Variants in LMTK2 observed in about 807,000 individuals in gnomAD.
The protein encoded by LMTK2 is lemur tail kinase 2, also known as serine/threonine-protein kinase LMTK2.
In LMTK2, 37 loss-of-function variants were observed where a neutral mutation model predicts 127.5. The observed-to-expected ratio is 0.29, with a 90% CI of 0.22 to 0.38. The LOEUF (loss-of-function observed/expected upper bound fraction) is 0.38, where lower values mean the gene tolerates loss of function less well. Among genes scored for constraint, LMTK2 ranks in the 10% least tolerant of loss-of-function variants. LMTK2 has a pLI of 1.00. For missense variants in LMTK2, 1,694 were observed against 1,920.3 expected, an observed-to-expected ratio of 0.88 and a Z score of 2.20; for synonymous variants, 819 against 810.1, an observed-to-expected ratio of 1.01 and a Z score of -0.19.
At chr7:98,142,619 C>G (rs1032365633) in intron 3 of LMTK2, among the ~76,000 whole-genome samples, 9 of 152,158 alleles carry the variant, frequency 5.9e-5, no homozygotes, top group African/African-American at 1.9e-4. Context: ...AGAGACTTCT[C>G]AGAGCTTTTA....
At position 98,171,395 on chromosome 7, in the gene LMTK2, A is replaced by G. The variant is rs1584277915; in HGVS notation, c.658-146A>G. ...GCATAATAGTGTTCTATACTTTCGCAGTATTGGGTTGGAACTTCTTTAAGT... is the reference window on the plus strand; with the variant it reads ...GCATAATAGTGTTCTATACTTTCGCGGTATTGGGTTGGAACTTCTTTAAGT... On this transcript the variant is annotated intron_variant, in intron 6 of 13. Coordinates refer to ENST00000297293, the MANE Select transcript of LMTK2 (RefSeq NM_014916.4). The surrounding 1 kb of genome is among the most constrained non-coding windows in gnomAD (Gnocchi z 5.1). 16 of 911,136 alleles carry G rather than the reference A, an allele frequency of 1.8e-5. No individual in the cohort carries two copies. In the South Asian group the frequency reaches 2.2e-4, roughly 12 times the overall value. 56.4% of individuals were successfully genotyped at this position (911,136 alleles called of 1,614,324 possible). A position where few individuals can be genotyped will look rare whatever the true frequency, so the allele number is the denominator to read the frequency against.
chr7:98,154,934 G>A (rs758059145), intron 5 of LMTK2, 58 bp downstream of exon 5: 10 of 1,018,790 alleles, frequency 9.8e-6, no homozygotes, highest in Non-Finnish European at 1.4e-5. Flanking sequence ...TGAAGGTCAG[G>A]TGTTTAAAAC....
intron 7 of LMTK2, among the ~76,000 whole-genome samples, chr7:98,179,707 T>C (rs1797326663): frequency 6.6e-6 from 1 of 151,518 alleles, no homozygotes; most frequent in Non-Finnish European, 1.5e-5. Context: ...GAAGATTCTT[T>C]GTTGTTCATA....
intron 5 of LMTK2, among the ~76,000 whole-genome samples, chr7:98,158,475 T>A (rs1796962730): frequency 1.3e-5 from 2 of 152,170 alleles, no homozygotes; most frequent in Non-Finnish European, 2.9e-5. Context: ...TGGTCTCCCT[T>A]TTTTGTCCTG....
chr7:98,200,602 G>A (rs892972148), intron 11 of LMTK2, among the ~76,000 whole-genome samples: 7 of 152,178 alleles, frequency 4.6e-5, no homozygotes, highest in Non-Finnish European at 1.0e-4. Flanking sequence ...TGTTCAGATC[G>A]TTTCTGGAGT....
At chr7:98,135,028 G>A (rs1336116936) in intron 1 of LMTK2, among the ~76,000 whole-genome samples, 1 of 152,308 alleles carries the variant, frequency 6.6e-6, no homozygotes, top group Admixed American at 6.5e-5. Flanking sequence ...GACTGAGCCC[G>A]CATGTAACAA....
At chr7:98,199,640 G>A (rs1020654193) in intron 11 of LMTK2, among the ~76,000 whole-genome samples, 1 of 152,132 alleles carries the variant, frequency 6.6e-6, no homozygotes, top group Non-Finnish European at 1.5e-5. Context: ...GACTACGGGT[G>A]CACACCACCA....
rs951290131 is a variant in LMTK2 at position 98,122,679 on chromosome 7, T to G, written c.104-14636T>G. On this transcript the variant is annotated intron_variant, in intron 1 of 13. Coordinates refer to ENST00000297293, the MANE Select transcript of LMTK2 (RefSeq NM_014916.4). ...CAGTTCAGTGAATAACTCTACATGG[T>G]GTGTGTGTGTGTGTGTGTGTGTGTG... Among the ~76,000 whole-genome samples the G allele has an allele frequency of 2.0e-3, 12 of 6,132 alleles. No individual in the cohort carries two copies. In the South Asian group the frequency reaches 0.038, roughly 20 times the overall value. 4.0% of individuals were successfully genotyped at this position (6,132 alleles called of 152,430 possible).
intron 7 of LMTK2, among the ~76,000 whole-genome samples, chr7:98,172,679 C>T (rs1797211885): frequency 6.6e-6 from 1 of 152,184 alleles, no homozygotes; most frequent in Non-Finnish European, 1.5e-5. Context: ...TCATTTAACT[C>T]TTAGTAATCC....
intron 7 of LMTK2, among the ~76,000 whole-genome samples, chr7:98,175,592 C>T (rs907250222): frequency 2.6e-5 from 4 of 152,190 alleles, no homozygotes; most frequent in Admixed American, 6.5e-5. Context: ...ACTACCTAAA[C>T]GAAAACCAAA....
At chr7:98,138,458 G>A (rs1796627811) in intron 2 of LMTK2, among the ~76,000 whole-genome samples, 1 of 152,152 alleles carries the variant, frequency 6.6e-6, no homozygotes, top group Admixed American at 6.5e-5. Context: ...TACACACAGA[G>A]GGCTGAGAAC....
At position 98,192,765 on chromosome 7, in the gene LMTK2, T is replaced by C. The variant is rs757991843; in HGVS notation, c.2300T>C (p.Leu767Ser). Reference sequence around the variant, plus strand: ...TTAGAAACGTCATGTAGAAACTCTTTAGATACTGAGCTTCAGTTTGCTGAA... The same window carrying C: ...TTAGAAACGTCATGTAGAAACTCTTCAGATACTGAGCTTCAGTTTGCTGAA... ...AMLETSCRNS[L>S]DTELQFAENK... The change falls in exon 11 of 14, where the codon TTA becomes TCA. Residue 767 changes from leucine to serine, a missense_variant. Physicochemically the swap from Leu to Ser is moderately radical, Grantham distance 145. Coordinates refer to ENST00000297293, the MANE Select transcript of LMTK2 (RefSeq NM_014916.4). 2.5e-6 allele frequency: 4 copies of C among 1,613,882 alleles called. No homozygotes were observed. Among genetic ancestry groups the C allele is most frequent in the Non-Finnish European group, 2.5e-6 (3 of 1,179,882 alleles).
At chr7:98,158,047 T>G (rs1027649917) in intron 5 of LMTK2, among the ~76,000 whole-genome samples, 5 of 152,254 alleles carry the variant, frequency 3.3e-5, no homozygotes, top group African/African-American at 1.2e-4. Context: ...CTCTCTCTGC[T>G]GTCTTTGCAA....
Position 98,194,299 on chromosome 7 carries a change from A to T in LMTK2, c.3834A>T (p.Ser1278=), listed in dbSNP as rs201061100. 6.2e-6 allele frequency: 10 copies of T among 1,614,176 alleles called. No homozygotes were observed. The African/African-American group carries it at 1.2e-4, about 19-fold the overall frequency. ...GGGTGTCAGGGATGCTCGACCTCTC[A>T]GAGGACGGGATGGATGCAGACGAGG... is the stretch of plus-strand genomic sequence containing the variant. ...KLGVSGMLDL[S]EDGMDADEED... is the part of the protein sequence containing the mutation. Residue 1278 remains serine (S), a synonymous_variant, in exon 11 of 14, where the codon TCA becomes TCT. Transcript: ENST00000297293. The surrounding 1 kb of genome is among the most constrained non-coding windows in gnomAD (Gnocchi z 5.4).
At chr7:98,140,564 A>AT (rs548563798) in intron 2 of LMTK2, among the ~76,000 whole-genome samples, 21 of 151,802 alleles carry the variant, frequency 1.4e-4, no homozygotes, top group South Asian at 6.3e-4. Context: ...GATCCTGGTG[A>AT]TTTTTTTTAG....
intron 1 of LMTK2, among the ~76,000 whole-genome samples, chr7:98,127,802 C>T (rs1218691078): frequency 6.6e-6 from 1 of 152,122 alleles, no homozygotes; most frequent in Admixed American, 6.5e-5. Context: ...TGTATCAGAG[C>T]GTCACACATA....
At chr7:98,112,070 A>G (rs1338400624) in intron 1 of LMTK2, among the ~76,000 whole-genome samples, 1 of 152,364 alleles carries the variant, frequency 6.6e-6, no homozygotes, top group South Asian at 2.1e-4. Flanking sequence ...TCTTGATCTT[A>G]AACACAATTG....
chr7:98,116,429 T>A (rs1248358018), intron 1 of LMTK2, among the ~76,000 whole-genome samples: 1 of 149,952 alleles, frequency 6.7e-6, no homozygotes, highest in African/African-American at 2.5e-5. Context: ...TTTGTGCGTG[T>A]GTGTGTGTGT....
At chr7:98,150,233 G>C (rs192400260) in intron 3 of LMTK2, among the ~76,000 whole-genome samples, 1 of 151,594 alleles carries the variant, frequency 6.6e-6, no homozygotes, top group Admixed American at 6.6e-5. Flanking sequence ...ACTTGAACCC[G>C]GGAGGCGTAG....
Sources: gnomAD v4.1 joint callset for allele counts (sites outside exome capture counted in the v4.1 genomes callset) on GRCh38, gnomAD v4.1.1 for gene constraint, Gnocchi (gnomAD v3.1) non-coding constraint, MANE v1.5 for transcripts, NCBI Gene and HGNC (gene_info 2026-07-23, HGNC 2026-07-21) for gene names.